Variants in OPCML observed in about 807,000 individuals in gnomAD.
The protein encoded by OPCML is opioid-binding protein/cell adhesion molecule.
OPCML carries 13 observed loss-of-function variants against 37.8 expected under a neutral mutation model. The ratio of observed to expected loss-of-function variants is 0.34; its 90% confidence interval spans 0.22 to 0.55. OPCML has a LOEUF of 0.55. Ranked by LOEUF, OPCML falls within the 20% of genes least tolerant of loss-of-function variation. The pLI is 0.91. For synonymous variants in OPCML, 176 were observed against 168.8 expected, an observed-to-expected ratio of 1.04 and a Z score of -0.33; for missense variants, 341 against 435.6, an observed-to-expected ratio of 0.78 and a Z score of 1.93.
At chr11:132,484,678 A>T (rs2096193499) in intron 4 of OPCML, among the ~76,000 whole-genome samples, 1 of 152,136 alleles carries the variant, frequency 6.6e-6, no homozygotes, top group South Asian at 2.1e-4. Context: ...CAAATGTCCA[A>T]CAACGATAGA....
intron 4 of OPCML, among the ~76,000 whole-genome samples, chr11:132,512,162 A>G (rs1276445886): frequency 1.3e-5 from 2 of 152,054 alleles, no homozygotes; most frequent in Non-Finnish European, 2.9e-5. Flanking sequence ...AAAACCAAAT[A>G]TGTTTTAGCC....
chr11:132,662,710 C>T (rs7119286), intron 2 of OPCML, among the ~76,000 whole-genome samples: 73,546 of 152,102 alleles, frequency 0.48, 17,965 homozygotes, highest in Middle Eastern at 0.58. Context: ...TCATGCCAGA[C>T]GTTGAATGGT....
chr11:133,516,093 G>T, intron 1 of OPCML, among the ~76,000 whole-genome samples: 1 of 152,258 alleles, frequency 6.6e-6, no homozygotes, highest in Admixed American at 6.5e-5. Flanking sequence ...GAGAGAAGCT[G>T]GGCAGGAGCC....
chr11:133,286,391 AC>A (rs374500292), intron 1 of OPCML, among the ~76,000 whole-genome samples: 1 of 145,472 alleles, frequency 6.9e-6, no homozygotes, highest in African/African-American at 2.5e-5. Flanking sequence ...AATGGCGTGA[AC>A]CCGGGAGGCG....
At chr11:132,874,665 A>G (rs1211092779) in intron 2 of OPCML, among the ~76,000 whole-genome samples, 1 of 152,202 alleles carries the variant, frequency 6.6e-6, no homozygotes, top group African/African-American at 2.4e-5. Flanking sequence ...TAAAACCACC[A>G]GTAGATAAGC....
At chr11:132,869,093 G>A (rs1309676036) in intron 2 of OPCML, among the ~76,000 whole-genome samples, 1 of 152,178 alleles carries the variant, frequency 6.6e-6, no homozygotes, top group Non-Finnish European at 1.5e-5. Context: ...GCACCACTGG[G>A]GGAGAAAGAG....
At chr11:132,662,178 C>T (rs1942002806) in intron 2 of OPCML, among the ~76,000 whole-genome samples, 1 of 152,046 alleles carries the variant, frequency 6.6e-6, no homozygotes, top group Non-Finnish European at 1.5e-5. Context: ...TGAAGCCAGC[C>T]CCCAAAGAGC....
chr11:133,352,370 C>G (rs371583794), intron 1 of OPCML, among the ~76,000 whole-genome samples: 2 of 152,154 alleles, frequency 1.3e-5, no homozygotes, highest in Non-Finnish European at 2.9e-5. Flanking sequence ...TCTTCTTGGC[C>G]GGGAATGCTC....
At chr11:132,644,933 G>A (rs1163294757) in intron 3 of OPCML, among the ~76,000 whole-genome samples, 1 of 152,224 alleles carries the variant, frequency 6.6e-6, no homozygotes, top group African/African-American at 2.4e-5. Flanking sequence ...GCAACTTTTA[G>A]TTTGCAAAAT....
At chr11:132,983,244 AG>A (rs1222526655) in intron 1 of OPCML, among the ~76,000 whole-genome samples, 1 of 152,220 alleles carries the variant, frequency 6.6e-6, no homozygotes. Flanking sequence ...AGACTCTCAT[AG>A]CATCACAGTT....
At chr11:133,411,925 G>A (rs1279627618) in intron 1 of OPCML, among the ~76,000 whole-genome samples, 1 of 152,170 alleles carries the variant, frequency 6.6e-6, no homozygotes, top group Non-Finnish European at 1.5e-5. Flanking sequence ...CCCACACGTT[G>A]ACAATCAGGA....
At chr11:133,224,173 T>G (rs1399012589) in intron 1 of OPCML, among the ~76,000 whole-genome samples, 1 of 152,146 alleles carries the variant, frequency 6.6e-6, no homozygotes, top group African/African-American at 2.4e-5. Flanking sequence ...CACTTTGCCA[T>G]TAGTCCCCGA....
chr11:133,488,963 A>T (rs1947593380), intron 1 of OPCML, among the ~76,000 whole-genome samples: 1 of 137,622 alleles, frequency 7.3e-6, no homozygotes, highest in Admixed American at 8.1e-5. Flanking sequence ...CAGGATCAAC[A>T]AAAATGTGCA....
chr11:132,506,397 C>T (rs2096256865), intron 4 of OPCML, among the ~76,000 whole-genome samples: 2 of 152,062 alleles, frequency 1.3e-5, no homozygotes, highest in South Asian at 4.1e-4. Flanking sequence ...TTCCAATGAA[C>T]TTAAGATGAA....
intron 1 of OPCML, among the ~76,000 whole-genome samples, chr11:133,014,340 G>C (rs1947278387): frequency 3.3e-5 from 5 of 151,766 alleles, no homozygotes; most frequent in Admixed American, 3.3e-4. Context: ...CTGTTAGTCT[G>C]TCTTTTGTTA....
At chr11:132,858,594 G>A (rs1272427190) in intron 2 of OPCML, among the ~76,000 whole-genome samples, 1 of 152,158 alleles carries the variant, frequency 6.6e-6, no homozygotes, top group Non-Finnish European at 1.5e-5. Context: ...CTTCCCGGGG[G>A]GTGAGGAGAA....
At chr11:132,869,804 T>C (rs1942725115) in intron 2 of OPCML, among the ~76,000 whole-genome samples, 1 of 152,192 alleles carries the variant, frequency 6.6e-6, no homozygotes, top group Admixed American at 6.5e-5. Flanking sequence ...GCAACTTGAC[T>C]GCCTCAAGAT....
chr11:133,248,664 G>C (rs1941031246), intron 1 of OPCML, among the ~76,000 whole-genome samples: 1 of 152,182 alleles, frequency 6.6e-6, no homozygotes, highest in Non-Finnish European at 1.5e-5. Context: ...TGGTAGGTAA[G>C]TAGTCCTAAG....
chr11:133,087,799 G>T (rs2137046288), intron 1 of OPCML, among the ~76,000 whole-genome samples: 1 of 152,316 alleles, frequency 6.6e-6, no homozygotes, highest in Non-Finnish European at 1.5e-5. Context: ...GATGCTTACA[G>T]GCTCTTTCCC....
Sources: gnomAD v4.1 joint callset for allele counts (sites outside exome capture counted in the v4.1 genomes callset) on GRCh38, gnomAD v4.1.1 for gene constraint, MANE v1.5 for transcripts, NCBI Gene and HGNC (gene_info 2026-07-23, HGNC 2026-07-21) for gene names.